Variants in WDR93 observed in about 807,000 individuals in gnomAD.
The protein encoded by WDR93 is WD repeat domain 93.
Under a neutral mutation model 82.9 loss-of-function variants are expected in WDR93, and 73 were observed. The observed-to-expected ratio is 0.88, with a 90% CI of 0.73 to 1.07. The LOEUF (loss-of-function observed/expected upper bound fraction) is 1.07. Ranked by LOEUF, WDR93 falls within the 50% of genes least tolerant of loss-of-function variation. WDR93 has a pLI of 0.00. For synonymous variants in WDR93, 283 were observed against 300.1 expected (o/e 0.94, Z 0.59); for missense variants, 738 against 826.0 (o/e 0.89, Z 1.31).
At chr15:89,700,273 G>C (rs765614017) in intron 1 of WDR93, among the ~76,000 whole-genome samples, 9 of 152,096 alleles carry the variant, frequency 5.9e-5, no homozygotes, top group Non-Finnish European at 1.2e-4. Flanking sequence ...TGTGAGCTCA[G>C]CTTACTCTCC....
intron 7 of WDR93, among the ~76,000 whole-genome samples, 187 bp downstream of exon 7, chr15:89,717,136 C>T (rs919379170): frequency 2.3e-5 from 3 of 131,006 alleles, no homozygotes; most frequent in Non-Finnish European, 3.1e-5. Context: ...CTTGGCTCAT[C>T]GCAACTTCTG....
At chr15:89,708,707 T>C (rs928455972) in intron 4 of WDR93, among the ~76,000 whole-genome samples, 6 of 151,702 alleles carry the variant, frequency 4.0e-5, no homozygotes, top group Non-Finnish European at 8.8e-5. Context: ...GTAGATGGAG[T>C]TTGAGGTTAT....
At chr15:89,725,551 TTTTTTTC>T (rs1416115826) in intron 8 of WDR93, among the ~76,000 whole-genome samples, 1 of 149,196 alleles carries the variant, frequency 6.7e-6, no homozygotes, top group Non-Finnish European at 1.5e-5. Context: ...TATTTCTTTT[TTTTTTTC>T]TTTTTTCTTT....
At chr15:89,726,053 A>G (rs895029593) in intron 8 of WDR93, among the ~76,000 whole-genome samples, 2 of 152,274 alleles carry the variant, frequency 1.3e-5, no homozygotes, top group South Asian at 2.1e-4. Flanking sequence ...AATAATCTCT[A>G]AAACATTTTA....
chr15:89,723,655 A>C (rs1966616757), intron 8 of WDR93, among the ~76,000 whole-genome samples: 1 of 152,196 alleles, frequency 6.6e-6, no homozygotes, highest in African/African-American at 2.4e-5. Flanking sequence ...ATAGAGGAAA[A>C]ATAGGTGAAT....
chr15:89,738,388 A>T, intron 16 of WDR93, 152 bp downstream of exon 16: 1 of 887,792 alleles, frequency 1.1e-6, no homozygotes, highest in Non-Finnish European at 1.7e-6. Context: ...GCACTTTGGG[A>T]GTCCGAGGCA....
At chr15:89,738,414 G>A (rs1311426431) in intron 16 of WDR93, among the ~76,000 whole-genome samples, 178 bp downstream of exon 16, 1 of 151,972 alleles carries the variant, frequency 6.6e-6, no homozygotes, top group Non-Finnish European at 1.5e-5. Context: ...ATCACCTGAG[G>A]TGAGGAGTTC....
chr15:89,726,228 G>T (rs913773252), intron 8 of WDR93, among the ~76,000 whole-genome samples: 1 of 152,182 alleles, frequency 6.6e-6, no homozygotes, highest in African/African-American at 2.4e-5. Context: ...TTCAAGCCTA[G>T]CCTGGGCAAT....
chr15:89,732,973 T>C (rs368285927), intron 12 of WDR93, 33 bp from the exon 13 acceptor site: 334 of 1,609,342 alleles, frequency 2.1e-4, no homozygotes, highest in Non-Finnish European at 2.8e-4. Context: ...CCTACCCCGT[T>C]TTCTGACCGG....
At chr15:89,737,874 G>A (rs538668438) in intron 15 of WDR93, 145 bp downstream of exon 15, 1 of 1,355,454 alleles carries the variant, frequency 7.4e-7, no homozygotes, top group East Asian at 2.3e-5. Flanking sequence ...AGTCCTCACA[G>A]GGCACTTAGA....
At chr15:89,711,208 C>T (rs1965959521) in intron 4 of WDR93, among the ~76,000 whole-genome samples, 2 of 152,120 alleles carry the variant, frequency 1.3e-5, no homozygotes, top group Admixed American at 1.3e-4. Context: ...AGCTGTAGAT[C>T]TGATTATCAG....
rs1401350199 is a variant in WDR93 at position 89,733,016 on chromosome 15, T to A, written c.1341T>A (p.Leu447=). The A allele has an allele frequency of 6.2e-7, 1 of 1,614,132 alleles. No individual in the cohort carries two copies. The highest frequency in any genetic ancestry group is 2.2e-5 in the East Asian group (1 of 44,882). ...GATTACTTTCTCTAGGATTCCCTCT[T>A]GGGGTCGCTGCTCTTCCTCAGGGAT... The part of the protein sequence containing the change: ...TLWDLAKGFP[L]GVAALPQGCF... The change falls in exon 13 of 17, where the codon CTT becomes CTA. Residue 447 remains leucine (L), a synonymous_variant. Coordinates refer to ENST00000268130, the MANE Select transcript of WDR93 (RefSeq NM_020212.2).
At chr15:89,698,997 C>A (rs1181407346) in intron 1 of WDR93, among the ~76,000 whole-genome samples, 1 of 151,952 alleles carries the variant, frequency 6.6e-6, no homozygotes, top group Non-Finnish European at 1.5e-5. Context: ...AAGTGATCCT[C>A]CAAGCACATG....
chr15:89,724,185 T>A (rs1457312150), intron 8 of WDR93, among the ~76,000 whole-genome samples: 2 of 138,038 alleles, frequency 1.4e-5, no homozygotes, highest in African/African-American at 2.8e-5. Flanking sequence ...CAAAAAAAAA[T>A]ACAAAAATTA....
chr15:89,695,820 T>TTTG, intron 1 of WDR93, among the ~76,000 whole-genome samples: 1 of 146,302 alleles, frequency 6.8e-6, no homozygotes, highest in African/African-American at 2.5e-5. Flanking sequence ...GTCCTTTTTT[T>TTTG]TTTTTTTTTT....
chr15:89,719,578 A>C (rs1966425670), intron 7 of WDR93: 1 of 152,052 alleles, frequency 6.6e-6, no homozygotes, highest in Admixed American at 6.6e-5. Flanking sequence ...CATTCCTGAT[A>C]TTGGTAATTT....
At position 89,712,170 on chromosome 15, in the gene WDR93, T is replaced by C; in HGVS notation, c.640+66T>C. 20 of 1,300,550 alleles carry C rather than the reference T, an allele frequency of 1.5e-5. No homozygotes were observed. The South Asian group carries it at 2.7e-4, about 18-fold the overall frequency. The allele number at this position is 1,300,550 out of a possible 1,614,324, so 80.6% of individuals were successfully genotyped here. A position where few individuals can be genotyped will look rare whatever the true frequency, so the allele number is the denominator to read the frequency against. On this transcript the variant is annotated intron_variant, in intron 5 of 16. Coordinates refer to ENST00000268130, the MANE Select transcript of WDR93 (RefSeq NM_020212.2). ...CTCTTCCAATCTTCCAAATGATTGCTTTTGTCCCTCCAAACCTTTTATTTA... is the reference window on the plus strand; with the variant it reads ...CTCTTCCAATCTTCCAAATGATTGCCTTTGTCCCTCCAAACCTTTTATTTA...
At chr15:89,714,199 A>G (rs965740853) in intron 5 of WDR93, 1 of 152,270 alleles carries the variant, frequency 6.6e-6, no homozygotes, top group African/African-American at 2.4e-5. Context: ...TCCTCCCCAG[A>G]CAGGTAAAAC....
intron 16 of WDR93, among the ~76,000 whole-genome samples, chr15:89,740,479 A>C (rs888946117): frequency 7.9e-5 from 12 of 152,068 alleles, no homozygotes; most frequent in African/African-American, 2.2e-4. Flanking sequence ...ACTATTCTTC[A>C]CAGGGAGGGT....
Sources: allele counts gnomAD v4.1 joint callset (sites outside exome capture counted in the v4.1 genomes callset), GRCh38; gene constraint gnomAD v4.1.1; transcripts MANE v1.5; gene names NCBI Gene and HGNC (gene_info 2026-07-23, HGNC 2026-07-21).